Variants in CPQ observed in about 807,000 individuals in gnomAD.
CPQ encodes carboxypeptidase Q, also known as Ser-Met dipeptidase.
A neutral mutation model predicts 45.7 loss-of-function variants in CPQ; 37 were observed. The observed-to-expected ratio is 0.81, with a 90% CI of 0.62 to 1.07. The LOEUF (loss-of-function observed/expected upper bound fraction) is 1.07, where lower values mean the gene tolerates loss of function less well. Ranked by LOEUF, CPQ falls within the 50% of genes least tolerant of loss-of-function variation. CPQ has a pLI of 0.00. For synonymous variants in CPQ, 186 were observed against 205.8 expected (o/e 0.90, Z 0.82); for missense variants, 537 against 572.9 (o/e 0.94, Z 0.64).
intron 1 of CPQ, among the ~76,000 whole-genome samples, chr8:96,694,006 G>A (rs113593363): frequency 0.024 from 3,688 of 152,146 alleles, 161 homozygotes; most frequent in African/African-American, 0.084. Context: ...CTTTTTGCTT[G>A]CTTGTTAGTT....
chr8:96,914,272 T>TA (rs1812704199), intron 4 of CPQ, among the ~76,000 whole-genome samples: 1 of 152,134 alleles, frequency 6.6e-6, no homozygotes, highest in Admixed American at 6.6e-5. Context: ...TACTACAAGC[T>TA]AAATATGAGA....
rs182507403 is a variant in CPQ, at chr8:96,792,462, T to G, written c.433+7132T>G. Among the ~76,000 whole-genome samples the G allele has an allele frequency of 2.3e-3, 349 of 152,362 alleles. 4 individuals carry two copies. Among genetic ancestry groups the G allele is most frequent in the African/African-American group, 8.2e-3 (341 of 41,584 alleles). ...GTCATTGAGTATTTATTAATCCTCA[T>G]TGGAGACTGACATCTCTACCGAAAT... is the stretch of plus-strand genomic sequence containing the variant. On this transcript the variant is annotated intron_variant, in intron 2 of 7. Transcript: ENST00000220763.
intron 5 of CPQ, among the ~76,000 whole-genome samples, chr8:96,991,261 A>G (rs1185640220): frequency 6.6e-6 from 1 of 152,140 alleles, no homozygotes. Flanking sequence ...GTGAATAACA[A>G]TAATGCCTTC....
intron 7 of CPQ, among the ~76,000 whole-genome samples, chr8:97,082,651 C>G (rs1310988722): frequency 6.6e-6 from 1 of 152,124 alleles, no homozygotes; most frequent in Admixed American, 6.5e-5. Context: ...AATTTAAGAT[C>G]ACAGAAGTGT....
At chr8:96,692,068 G>A (rs1251227739) in intron 1 of CPQ, among the ~76,000 whole-genome samples, 1 of 152,174 alleles carries the variant, frequency 6.6e-6, no homozygotes, top group Non-Finnish European at 1.5e-5. Context: ...TCTGGTTGGA[G>A]TTGTCTCTGG....
intron 7 of CPQ, among the ~76,000 whole-genome samples, chr8:97,101,557 C>T (rs1285021543): frequency 8.2e-6 from 1 of 121,522 alleles, no homozygotes; most frequent in Non-Finnish European, 1.7e-5. Context: ...CCAACTGAGT[C>T]TTTTTTTCTT....
intron 4 of CPQ, among the ~76,000 whole-genome samples, chr8:96,963,544 A>C (rs1002558261): frequency 6.6e-6 from 1 of 152,194 alleles, no homozygotes; most frequent in Non-Finnish European, 1.5e-5. Context: ...GGTCACCCTA[A>C]TATTTTAACC....
chr8:97,095,251 T>G (rs974168505), intron 7 of CPQ, among the ~76,000 whole-genome samples: 1 of 152,152 alleles, frequency 6.6e-6, no homozygotes, highest in Non-Finnish European at 1.5e-5. Flanking sequence ...ATTCAACATG[T>G]CTGAAGCCAA....
rs1336218916 is a variant in CPQ, at chr8:96,785,168, A to G, written c.271A>G (p.Met91Val). ...GAACCTAGAAAAAGCCATCCAAATTATGTACCAAAACCTGCAGCAAGATGG... is the reference window on the plus strand; with the variant it reads ...GAACCTAGAAAAAGCCATCCAAATTGTGTACCAAAACCTGCAGCAAGATGG... Reference protein sequence around the residue: ...SKNLEKAIQIMYQNLQQDGLE... With the variant: ...SKNLEKAIQIVYQNLQQDGLE... Residue 91 changes from methionine to valine, a missense_variant, in exon 2 of 8, where the codon ATG (methionine) becomes GTG (valine). Coordinates refer to ENST00000220763, the MANE Select transcript of CPQ (RefSeq NM_016134.4). 1.2e-6 allele frequency: 2 copies of G among 1,613,640 alleles called. No individual in the cohort carries two copies. Among genetic ancestry groups the G allele is most frequent in the Admixed American group, 1.7e-5 (1 of 59,946 alleles).
At chr8:96,982,371 G>T (rs1024247806) in intron 5 of CPQ, among the ~76,000 whole-genome samples, 12 of 151,906 alleles carry the variant, frequency 7.9e-5, no homozygotes, top group African/African-American at 2.9e-4. Context: ...CTTTGATATG[G>T]AGTCTTGTCT....
chr8:97,134,089 C>T (rs748190396), intron 7 of CPQ, among the ~76,000 whole-genome samples: 5 of 152,132 alleles, frequency 3.3e-5, no homozygotes, highest in Non-Finnish European at 5.9e-5. Flanking sequence ...ATTTACTTAC[C>T]ATAAGTTGCT....
In CPQ at chr8:96,730,754, G is replaced by A. The variant is rs374740065; in HGVS notation, c.-34-54110G>A. ...GGTACCACCCTCAGAAATTCTGATA[G>A]AATTTGTCTCAGGTGTGGCCAGGGC... On this transcript the variant is annotated intron_variant, in intron 1 of 7. Coordinates refer to ENST00000220763, the MANE Select transcript of CPQ (RefSeq NM_016134.4). 5.9e-5 allele frequency among the ~76,000 whole-genome samples: 9 copies of A among 151,406 alleles called. No homozygotes were observed. The East Asian group carries it at 1.2e-3, about 20-fold the overall frequency.
At position 96,948,523 on chromosome 8, in the gene CPQ, C is replaced by T. The variant is rs1000270088; in HGVS notation, c.850-17412C>T. The stretch of plus-strand genomic sequence containing the variant: ...GAAAAAATACTTGGTATGATTTCTA[C>T]CTTCTTAAGTTGGTTAGGACTTTTT... On this transcript the variant is annotated intron_variant, in intron 4 of 7. Coordinates refer to ENST00000220763, the MANE Select transcript of CPQ (RefSeq NM_016134.4). Among the ~76,000 whole-genome samples the T allele has an allele frequency of 2.0e-5, 3 of 152,050 alleles. No homozygotes were observed. In the South Asian group the frequency reaches 6.2e-4, roughly 31 times the overall value.
At chr8:96,655,988 G>T (rs1055813391) in intron 1 of CPQ, among the ~76,000 whole-genome samples, 1 of 152,138 alleles carries the variant, frequency 6.6e-6, no homozygotes, top group Non-Finnish European at 1.5e-5. Context: ...TTGAGTAGTT[G>T]GGACCACAGG....
At chr8:96,834,104 T>C (rs1363805609) in intron 2 of CPQ, among the ~76,000 whole-genome samples, 3 of 152,184 alleles carry the variant, frequency 2.0e-5, no homozygotes, top group Admixed American at 1.3e-4. Context: ...TTGCCAAATA[T>C]TTTTTCCCTT....
chr8:97,006,389 G>T (rs1021145650), intron 5 of CPQ, among the ~76,000 whole-genome samples: 1 of 152,106 alleles, frequency 6.6e-6, no homozygotes, highest in Non-Finnish European at 1.5e-5. Flanking sequence ...AATCCAGCAG[G>T]CACTCTCATA....
rs1026470145 is a variant in CPQ, at chr8:96,784,995, T to G, written c.98T>G (p.Phe33Cys). 2 of 1,613,634 alleles carry G rather than the reference T, an allele frequency of 1.2e-6. No homozygotes were observed. Among genetic ancestry groups the G allele is most frequent in the African/African-American group, 2.7e-5 (2 of 74,902 alleles). The change falls in exon 2 of 8, where the codon TTT becomes TGT. Residue 33 changes from phenylalanine (F) to cysteine (C), a missense_variant. Physicochemically the swap from Phe to Cys is radical, Grantham distance 205 (BLOSUM62 -2). Transcript: ENST00000220763. ...ICKNGISKRT[F>C]EEIKEEIASC... ...AAGAATGGCATCTCTAAGAGGACTT[T>G]TGAAGAAATAAAAGAAGAAATAGCC...
At chr8:96,943,379 A>G (rs563696864) in intron 4 of CPQ, among the ~76,000 whole-genome samples, 1 of 152,326 alleles carries the variant, frequency 6.6e-6, no homozygotes, top group South Asian at 2.1e-4. Flanking sequence ...CTATTTTCAT[A>G]CAATCCATAG....
intron 3 of CPQ, among the ~76,000 whole-genome samples, chr8:96,855,762 A>C (rs964276608): frequency 6.6e-6 from 1 of 152,222 alleles, no homozygotes; most frequent in African/African-American, 2.4e-5. Context: ...AATTTCAGAT[A>C]GTGATAAATG....
Sources: allele counts gnomAD v4.1 joint callset (sites outside exome capture counted in the v4.1 genomes callset), GRCh38; gene constraint gnomAD v4.1.1; transcripts MANE v1.5; gene names NCBI Gene and HGNC (gene_info 2026-07-23, HGNC 2026-07-21).